The following IMMP2L variants were observed in gnomAD, a reference collection of about 807,000 sequenced individuals.
The protein encoded by IMMP2L is inner mitochondrial membrane peptidase subunit 2, also known as mitochondrial inner membrane protease subunit 2.
Under a neutral mutation model 19.3 loss-of-function variants are expected in IMMP2L, and 18 were observed. The ratio of observed to expected loss-of-function variants is 0.93; its 90% confidence interval spans 0.64 to 1.38. The LOEUF is 1.38. Ranked by LOEUF, IMMP2L falls within the 40% of genes most tolerant of loss-of-function variation. IMMP2L has a pLI of 0.00. For missense variants in IMMP2L, 233 were observed against 218.2 expected, an observed-to-expected ratio of 1.07 and a Z score of -0.43; for synonymous variants, 76 against 73.0, an observed-to-expected ratio of 1.04 and a Z score of -0.21.
intron 3 of IMMP2L, among the ~76,000 whole-genome samples, chr7:111,252,131 C>T (rs1275396908): frequency 6.7e-6 from 1 of 150,258 alleles, no homozygotes; most frequent in African/African-American, 2.4e-5. Context: ...CATTTGGGAG[C>T]ATAAAAAAAA....
intron 3 of IMMP2L, among the ~76,000 whole-genome samples, chr7:111,473,434 T>G (rs1468031951): frequency 6.6e-6 from 1 of 152,172 alleles, no homozygotes. Context: ...CTTTACCACA[T>G]CCTTAAAAGT....
intron 5 of IMMP2L, among the ~76,000 whole-genome samples, chr7:110,672,691 G>A (rs1584463665): frequency 6.6e-6 from 1 of 152,178 alleles, no homozygotes; most frequent in East Asian, 1.9e-4. Flanking sequence ...AGGGACTACA[G>A]GCCCCATGCA....
chr7:111,192,561 T>C (rs1809006637), intron 3 of IMMP2L, among the ~76,000 whole-genome samples: 1 of 152,108 alleles, frequency 6.6e-6, no homozygotes, highest in Non-Finnish European at 1.5e-5. Flanking sequence ...TTTTGAAAGA[T>C]AGCAATCTCA....
At chr7:111,415,178 G>C (rs1418480218) in intron 3 of IMMP2L, among the ~76,000 whole-genome samples, 1 of 151,708 alleles carries the variant, frequency 6.6e-6, no homozygotes. Flanking sequence ...GCCTGTATAG[G>C]AGCCATGTAG....
At chr7:111,358,587 T>G (rs1466185502) in intron 3 of IMMP2L, among the ~76,000 whole-genome samples, 6 of 152,060 alleles carry the variant, frequency 3.9e-5, no homozygotes, top group Non-Finnish European at 8.8e-5. Flanking sequence ...ATTGACATAT[T>G]TCAACACACA....
At chr7:111,445,964 G>A (rs965209354) in intron 3 of IMMP2L, among the ~76,000 whole-genome samples, 3 of 152,184 alleles carry the variant, frequency 2.0e-5, no homozygotes, top group East Asian at 1.9e-4. Flanking sequence ...CTGGAAAATC[G>A]GGTCACTCCC....
rs552455600 is a variant in IMMP2L at position 110,795,646 on chromosome 7, A to C, written c.408+90947T>G. The stretch of plus-strand genomic sequence containing the variant: ...AAAGAGAAGATGGCACTGGATGCAC[A>C]GTCAATCTGGGATTCAGGTCCATAT... On this transcript the variant is annotated intron_variant, in intron 5 of 5. Coordinates refer to ENST00000405709, the MANE Select transcript of IMMP2L (RefSeq NM_032549.4). Among the ~76,000 whole-genome samples the C allele has an allele frequency of 2.0e-5, 3 of 152,230 alleles. No homozygotes were observed. In the East Asian group the frequency reaches 5.8e-4, roughly 30 times the overall value.
chr7:110,784,791 GAGC>G lies in IMMP2L; in HGVS notation c.408+101799_408+101801del, dbSNP rs1799959700. The stretch of plus-strand genomic sequence containing the variant: ...GTAATTGGTCTGGAGTGGGGCTGGA[GAGC>G]AGATTTTTCAAAGCTCTACTTAGAG... On this transcript the variant is annotated intron_variant, in intron 5 of 5. Transcript: ENST00000405709. Among the ~76,000 whole-genome samples the G allele has an allele frequency of 2.0e-5, 3 of 151,928 alleles. No individual in the cohort carries two copies. The South Asian group carries it at 6.2e-4, about 31-fold the overall frequency.
intron 5 of IMMP2L, among the ~76,000 whole-genome samples, chr7:110,835,553 A>C (rs1225208662): frequency 6.6e-6 from 1 of 152,126 alleles, no homozygotes; most frequent in Non-Finnish European, 1.5e-5. Flanking sequence ...AGCCAGGACA[A>C]TTAAAGTGTT....
chr7:111,328,910 A>T (rs983387567), intron 3 of IMMP2L, among the ~76,000 whole-genome samples: 3 of 151,820 alleles, frequency 2.0e-5, no homozygotes, highest in African/African-American at 7.2e-5. Context: ...GTCTCACAAA[A>T]AAACATTGGG....
At chr7:111,561,201 A>G (rs1295107185) in intron 1 of IMMP2L, among the ~76,000 whole-genome samples, 3 of 152,198 alleles carry the variant, frequency 2.0e-5, no homozygotes, top group African/African-American at 7.2e-5. Context: ...TAAGCCTCAG[A>G]GAACTTCAGT....
At chr7:110,699,960 C>T (rs1013772905) in intron 5 of IMMP2L, among the ~76,000 whole-genome samples, 2 of 152,040 alleles carry the variant, frequency 1.3e-5, no homozygotes, top group Non-Finnish European at 2.9e-5. Flanking sequence ...AAGCCAGGGC[C>T]CTCTCTTATA....
chr7:110,721,905 A>G (rs1039300068), intron 5 of IMMP2L, among the ~76,000 whole-genome samples: 5 of 152,060 alleles, frequency 3.3e-5, no homozygotes, highest in Admixed American at 2.6e-4. Flanking sequence ...GAGAAAGAGG[A>G]ACAAAGTTGT....
chr7:111,462,352 T>C lies in IMMP2L; in HGVS notation c.239+24886A>G, dbSNP rs538573696. 2.0e-5 allele frequency among the ~76,000 whole-genome samples: 3 copies of C among 152,220 alleles called. 1 individual carries two copies. In the South Asian group the frequency reaches 6.2e-4, roughly 32 times the overall value. ...TTTCAAAACACAGCTTTGTGCCCAA[T>C]GGTTTTCCAAAACTGCCTCATATTA... On this transcript the variant is annotated intron_variant, in intron 3 of 5. Transcript: ENST00000405709.
chr7:110,883,187 C>T (rs1809871218), intron 5 of IMMP2L, among the ~76,000 whole-genome samples: 1 of 152,090 alleles, frequency 6.6e-6, no homozygotes, highest in Non-Finnish European at 1.5e-5. Context: ...CTTTACTTTT[C>T]ACTGGTTTTT....
chr7:111,336,613 T>C (rs923893307), intron 3 of IMMP2L, among the ~76,000 whole-genome samples: 1 of 152,080 alleles, frequency 6.6e-6, no homozygotes, highest in Admixed American at 6.6e-5. Flanking sequence ...AATTCCACAG[T>C]TTCTAATAAG....
intron 3 of IMMP2L, among the ~76,000 whole-genome samples, chr7:111,420,839 C>T (rs568719568): frequency 1.4e-3 from 211 of 151,874 alleles, no homozygotes; most frequent in Non-Finnish European, 2.7e-3. Flanking sequence ...CAAGTCTTTG[C>T]TATTGTGAAT....
At chr7:111,104,402 T>G (rs1223166276) in intron 3 of IMMP2L, among the ~76,000 whole-genome samples, 1 of 151,880 alleles carries the variant, frequency 6.6e-6, no homozygotes, top group African/African-American at 2.4e-5. Context: ...TACATTTTGT[T>G]CTAGAAATTG....
intron 4 of IMMP2L, among the ~76,000 whole-genome samples, chr7:110,920,115 C>T (rs1339808559): frequency 1.3e-5 from 2 of 152,074 alleles, no homozygotes; most frequent in South Asian, 2.1e-4. Flanking sequence ...TGTTGGCTTC[C>T]CTACTTTTGA....
Sources: allele counts gnomAD v4.1 joint callset (sites outside exome capture counted in the v4.1 genomes callset), GRCh38; gene constraint gnomAD v4.1.1; transcripts MANE v1.5; gene names NCBI Gene and HGNC (gene_info 2026-07-23, HGNC 2026-07-21).